PPP3CA: variants seen among roughly 807,000 people sequenced by gnomAD.
PPP3CA encodes the protein CAM-PRP catalytic subunit.
Under a neutral mutation model 66.5 loss-of-function variants are expected in PPP3CA, and 14 were observed. The ratio of observed to expected loss-of-function variants is 0.21; its 90% CI spans 0.14 to 0.33. The LOEUF (loss-of-function observed/expected upper bound fraction) is 0.33. Ranked by LOEUF, PPP3CA falls within the 10% of genes least tolerant of loss-of-function variation. The probability of loss-of-function intolerance (pLI) is 1.00; values close to 1 mark genes in which losing one functional copy is unlikely to be tolerated. For synonymous variants in PPP3CA, 232 were observed against 226.2 expected (o/e 1.03, Z -0.23); for missense variants, 317 against 639.5 (o/e 0.50, Z 5.44).
intron 1 of PPP3CA, among the ~76,000 whole-genome samples, chr4:101,252,649 T>A (rs1578597001): frequency 6.6e-6 from 1 of 152,166 alleles, no homozygotes; most frequent in Admixed American, 6.5e-5. Context: ...CATATATTCA[T>A]CACATATAGG....
rs1724018623 is a variant in PPP3CA at position 101,175,175 on chromosome 4, A to G, written c.259+20741T>C. Among the ~76,000 whole-genome samples, 3 of 152,196 alleles carry G rather than the reference A, an allele frequency of 2.0e-5. No homozygotes were observed. In the South Asian group the frequency reaches 6.2e-4, roughly 31 times the overall value. ...TGGAAGAAGAAGCTGGAATGACATC[A>G]TCTTTGTTTCTGAAGCTATAGAAAC... On this transcript the variant is annotated intron_variant, in intron 2 of 13. Transcript: ENST00000394854.
At chr4:101,287,117 T>A (rs2110284529) in intron 1 of PPP3CA, among the ~76,000 whole-genome samples, 1 of 152,274 alleles carries the variant, frequency 6.6e-6, no homozygotes, top group East Asian at 1.9e-4. Context: ...AAACTTTTAA[T>A]GTTTAAAAAT....
intron 1 of PPP3CA, among the ~76,000 whole-genome samples, chr4:101,337,018 G>C (rs1236674654): frequency 6.6e-6 from 1 of 152,164 alleles, no homozygotes; most frequent in Non-Finnish European, 1.5e-5. Context: ...GAGCCAGACA[G>C]AAAATTAGAT....
intron 3 of PPP3CA, among the ~76,000 whole-genome samples, chr4:101,108,460 C>A (rs1420482053): frequency 1.3e-5 from 2 of 152,034 alleles, no homozygotes; most frequent in Admixed American, 6.5e-5. Flanking sequence ...TTTTTGGCAT[C>A]TCTATTAAAA....
At chr4:101,161,973 C>T (rs1316365013) in intron 2 of PPP3CA, among the ~76,000 whole-genome samples, 1 of 152,184 alleles carries the variant, frequency 6.6e-6, no homozygotes, top group South Asian at 2.1e-4. Context: ...GGCGCGGTGA[C>T]TCACACCTGT....
At chr4:101,117,901 A>T (rs1449287278) in intron 2 of PPP3CA, among the ~76,000 whole-genome samples, 1 of 151,946 alleles carries the variant, frequency 6.6e-6, no homozygotes, top group African/African-American at 2.4e-5. Flanking sequence ...ATTTCAGCCG[A>T]ATGTATACAA....
chr4:101,282,198 G>A (rs1259067441), intron 1 of PPP3CA, among the ~76,000 whole-genome samples: 1 of 152,180 alleles, frequency 6.6e-6, no homozygotes, highest in Non-Finnish European at 1.5e-5. Flanking sequence ...GAGTAGAAGT[G>A]TTTTTGACAG....
intron 2 of PPP3CA, 147 bp from the exon 3 acceptor site, chr4:101,109,225 G>A: frequency 1.2e-6 from 1 of 811,490 alleles, no homozygotes; most frequent in Non-Finnish European, 1.7e-6. Context: ...CGACAGAAAA[G>A]CTAAGTATTT....
intron 1 of PPP3CA, among the ~76,000 whole-genome samples, chr4:101,341,397 ATCTAT>A (rs781176509): frequency 1.3e-5 from 2 of 152,104 alleles, no homozygotes; most frequent in Non-Finnish European, 2.9e-5. Flanking sequence ...TAACCATTCT[ATCTAT>A]TCTGTCTCCA....
At chr4:101,029,528 A>T (rs1726843295) in intron 12 of PPP3CA, among the ~76,000 whole-genome samples, 1 of 151,956 alleles carries the variant, frequency 6.6e-6, no homozygotes. Context: ...ATTATAAGAG[A>T]TTATGTAAAT....
chr4:101,318,173 T>A (rs995667311), intron 1 of PPP3CA, among the ~76,000 whole-genome samples: 10 of 152,074 alleles, frequency 6.6e-5, no homozygotes, highest in Non-Finnish European at 1.0e-4. Flanking sequence ...TCAGAAAAAA[T>A]TTAAACCACA....
At chr4:101,167,706 T>G (rs1723737809) in intron 2 of PPP3CA, among the ~76,000 whole-genome samples, 1 of 152,076 alleles carries the variant, frequency 6.6e-6, no homozygotes, top group South Asian at 2.1e-4. Flanking sequence ...AGAGACGGTC[T>G]CCCTTAGGAG....
chr4:101,117,084 CTTTATA>C (rs1721858720), intron 2 of PPP3CA, among the ~76,000 whole-genome samples: 2 of 151,618 alleles, frequency 1.3e-5, no homozygotes, highest in Admixed American at 6.6e-5. Context: ...TTAAACATTT[CTTTATA>C]TTTATGATGC....
chr4:101,295,822 A>G (rs567120900), intron 1 of PPP3CA, among the ~76,000 whole-genome samples: 24 of 152,354 alleles, frequency 1.6e-4, no homozygotes, highest in East Asian at 3.9e-4. Flanking sequence ...TTGGAATCCC[A>G]GAGGAAAGTG....
In PPP3CA at chr4:101,025,904, G is replaced by A; in HGVS notation, c.1527C>T (p.Gly509=). 6.2e-7 allele frequency: 1 copy of A among 1,607,210 alleles called. No individual in the cohort carries two copies. Residue 509 remains glycine (G), a synonymous_variant, in exon 14 of 14, where the codon GGC becomes GGT. Transcript: ENST00000394854. ...TGCTATTACTGCCATTGCTGTCCGT[G>A]CCGTTAGTCTCTGAGGTGAGAGCCT... ...INKALTSETN[G]TDSNGSNSSN...
intron 6 of PPP3CA, among the ~76,000 whole-genome samples, chr4:101,083,513 A>G (rs1729530384): frequency 6.6e-6 from 1 of 152,228 alleles, no homozygotes; most frequent in Admixed American, 6.5e-5. Flanking sequence ...AGCCATTATA[A>G]AACATTAGGA....
chr4:101,175,131 A>T (rs529376867), intron 2 of PPP3CA, among the ~76,000 whole-genome samples: 10 of 152,322 alleles, frequency 6.6e-5, no homozygotes, highest in African/African-American at 2.4e-4. Flanking sequence ...AAGACTAAAG[A>T]AAAGAAACAA....
At chr4:101,043,820 A>C (rs1250541801) in intron 10 of PPP3CA, among the ~76,000 whole-genome samples, 4 of 152,044 alleles carry the variant, frequency 2.6e-5, no homozygotes, top group African/African-American at 9.7e-5. Flanking sequence ...GGTTGCGGTG[A>C]GCCGAGATTG....
At chr4:101,228,000 T>C (rs1403059009) in intron 1 of PPP3CA, among the ~76,000 whole-genome samples, 2 of 151,668 alleles carry the variant, frequency 1.3e-5, no homozygotes, top group African/African-American at 2.4e-5. Flanking sequence ...ACTTCATGTC[T>C]TTGCTATGAA....
Sources: gnomAD v4.1 joint callset for allele counts (sites outside exome capture counted in the v4.1 genomes callset) on GRCh38, gnomAD v4.1.1 for gene constraint, MANE v1.5 for transcripts, NCBI Gene and HGNC (gene_info 2026-07-23, HGNC 2026-07-21) for gene names.